Variants in PCDH9 observed in about 807,000 individuals in gnomAD.
PCDH9 encodes the protein protocadherin 9, also known as protocadherin-9.
A neutral mutation model predicts 70.6 loss-of-function variants in PCDH9; 24 were observed. The observed-to-expected ratio is 0.34, with a 90% CI of 0.25 to 0.48. PCDH9 has a LOEUF of 0.48. Among genes scored for constraint, PCDH9 ranks in the 20% least tolerant of loss-of-function variants. The pLI, the probability that PCDH9 is intolerant of heterozygous loss-of-function variation, is 0.99. For missense variants in PCDH9, 1,281 were observed against 1,503.6 expected (o/e 0.85, Z 2.45); for synonymous variants, 562 against 558.5 (o/e 1.01, Z -0.09).
intron 3 of PCDH9, among the ~76,000 whole-genome samples, chr13:66,682,825 G>A (rs567177286): frequency 7.9e-5 from 12 of 152,136 alleles, no homozygotes; most frequent in Middle Eastern, 3.4e-3. Flanking sequence ...GAAAGCTATT[G>A]GTGGCATTAG....
chr13:66,577,370 A>G (rs2076830342), intron 4 of PCDH9, among the ~76,000 whole-genome samples: 1 of 152,010 alleles, frequency 6.6e-6, no homozygotes, highest in South Asian at 2.1e-4. Flanking sequence ...AGTAAATAAT[A>G]GAATCCAAAG....
chr13:66,660,144 A>C (rs957006746), intron 3 of PCDH9, among the ~76,000 whole-genome samples: 2 of 152,208 alleles, frequency 1.3e-5, no homozygotes, highest in Admixed American at 1.3e-4. Flanking sequence ...ATGGAAGACG[A>C]ACAGTGGAGG....
At chr13:66,800,562 G>A (rs978060484) in intron 3 of PCDH9, among the ~76,000 whole-genome samples, 8 of 152,166 alleles carry the variant, frequency 5.3e-5, no homozygotes, top group Admixed American at 1.3e-4. Flanking sequence ...TAGAATGGTC[G>A]CATTGTAGAT....
At chr13:67,190,533 A>T (rs2088882624) in intron 2 of PCDH9, among the ~76,000 whole-genome samples, 1 of 152,040 alleles carries the variant, frequency 6.6e-6, no homozygotes, top group South Asian at 2.1e-4. Flanking sequence ...GAGGAAGATA[A>T]ACTAGCAAAT....
intron 2 of PCDH9, among the ~76,000 whole-genome samples, chr13:67,010,336 T>C (rs1320338765): frequency 1.3e-5 from 2 of 151,922 alleles, no homozygotes; most frequent in African/African-American, 2.4e-5. Flanking sequence ...TCAGGTAAAT[T>C]AGCAGCTGTA....
At chr13:67,146,498 G>A (rs1473491951) in intron 2 of PCDH9, among the ~76,000 whole-genome samples, 1 of 152,106 alleles carries the variant, frequency 6.6e-6, no homozygotes, top group East Asian at 1.9e-4. Flanking sequence ...TCCTTGGTTT[G>A]CTCTGATGGA....
chr13:67,042,482 C>A (rs260157), intron 2 of PCDH9, among the ~76,000 whole-genome samples: 3,534 of 152,122 alleles, frequency 0.023, 133 homozygotes, highest in African/African-American at 0.079. Flanking sequence ...AAATCAAGAT[C>A]TCAAGTATCT....
chr13:67,171,500 T>G (rs190033116), intron 2 of PCDH9, among the ~76,000 whole-genome samples: 3 of 152,298 alleles, frequency 2.0e-5, no homozygotes, highest in Admixed American at 6.5e-5. Flanking sequence ...TTGGAAGCCT[T>G]GAAACAAACC....
rs1332110366 is a variant in PCDH9, at chr13:66,452,131, T to A, written c.3341-147103A>T. Among the ~76,000 whole-genome samples, 5 of 152,146 alleles carry A rather than the reference T, an allele frequency of 3.3e-5. No homozygotes were observed. The South Asian group carries it at 1.0e-3, about 31-fold the overall frequency. On this transcript the variant is annotated intron_variant, in intron 4 of 4. Coordinates refer to ENST00000377865, the MANE Select transcript of PCDH9 (RefSeq NM_203487.3). ...AACTAATATCTGAAAGAAAATTACT[T>A]GATAGTATATATAAGAAGACTGCAG... is the stretch of plus-strand genomic sequence containing the variant.
At chr13:66,813,772 G>A (rs1166540627) in intron 3 of PCDH9, among the ~76,000 whole-genome samples, 4 of 151,918 alleles carry the variant, frequency 2.6e-5, no homozygotes, top group Non-Finnish European at 5.9e-5. Flanking sequence ...ATGGTCCTTC[G>A]AGTATTCTTA....
intron 2 of PCDH9, among the ~76,000 whole-genome samples, chr13:66,952,464 A>C (rs1052914857): frequency 1.1e-4 from 17 of 152,178 alleles, no homozygotes; most frequent in Admixed American, 1.1e-3. Flanking sequence ...TTATTTTTAT[A>C]TTCTATTTTT....
Position 66,655,857 on chromosome 13 carries a change from G to A in PCDH9, c.3139-24446C>T, listed in dbSNP as rs185030241. Among the ~76,000 whole-genome samples, 530 of 152,042 alleles carry A rather than the reference G, an allele frequency of 3.5e-3. 2 individuals carry two copies. Among genetic ancestry groups the A allele is most frequent in the African/African-American group, 0.012 (481 of 41,442 alleles). The stretch of plus-strand genomic sequence containing the variant: ...ATCAGACTGAATGTCTTTATTTTCC[G>A]CTGTTCTAGCTACAAGAAATGATCT... On this transcript the variant is annotated intron_variant, in intron 3 of 4. Coordinates refer to ENST00000377865, the MANE Select transcript of PCDH9 (RefSeq NM_203487.3).
intron 2 of PCDH9, among the ~76,000 whole-genome samples, chr13:67,181,082 A>G (rs1386063752): frequency 6.6e-6 from 1 of 152,172 alleles, no homozygotes; most frequent in Non-Finnish European, 1.5e-5. Context: ...CGGAACCCAG[A>G]GACAATCAGC....
chr13:66,614,945 A>T (rs2077337986), intron 4 of PCDH9, among the ~76,000 whole-genome samples: 3 of 152,176 alleles, frequency 2.0e-5, no homozygotes. Flanking sequence ...TTTTTAAAAG[A>T]GGCAAAGGCA....
intron 2 of PCDH9, among the ~76,000 whole-genome samples, chr13:66,962,373 C>T (rs2083362742): frequency 6.6e-6 from 1 of 150,900 alleles, no homozygotes; most frequent in Non-Finnish European, 1.5e-5. Context: ...TCCCAAGACA[C>T]CTCCAAAGAA....
intron 4 of PCDH9, among the ~76,000 whole-genome samples, chr13:66,314,734 A>C (rs1332029869): frequency 6.6e-6 from 1 of 152,166 alleles, no homozygotes. Flanking sequence ...CTAGTTGCTC[A>C]ATGCAGGAAA....
intron 4 of PCDH9, among the ~76,000 whole-genome samples, chr13:66,462,650 G>A (rs1250241188): frequency 6.6e-6 from 1 of 151,660 alleles, no homozygotes; most frequent in Non-Finnish European, 1.5e-5. Context: ...AAGATTCCCA[G>A]GTAATTCTAA....
intron 3 of PCDH9, among the ~76,000 whole-genome samples, chr13:66,699,913 C>A (rs952633868): frequency 7.2e-6 from 1 of 138,218 alleles, no homozygotes; most frequent in African/African-American, 2.5e-5. Context: ...TGAGGGACTG[C>A]GTTAGGCTGA....
At position 66,398,563 on chromosome 13, in the gene PCDH9, T is replaced by C. The variant is rs138067202; in HGVS notation, c.3341-93535A>G. On this transcript the variant is annotated intron_variant, in intron 4 of 4. Coordinates refer to ENST00000377865, the MANE Select transcript of PCDH9 (RefSeq NM_203487.3). The stretch of plus-strand genomic sequence containing the variant: ...TATTTCCCATTAATTCTGAAAAAAG[T>C]TTATAGATAACATTTAAATGAATTA... Among the ~76,000 whole-genome samples the C allele has an allele frequency of 7.1e-3, 1,080 of 152,246 alleles. 11 individuals are homozygous for C. The highest frequency in any genetic ancestry group is 0.025 in the African/African-American group (1,020 of 41,552).
Sources: allele counts gnomAD v4.1 joint callset (sites outside exome capture counted in the v4.1 genomes callset), GRCh38; gene constraint gnomAD v4.1.1; transcripts MANE v1.5; gene names NCBI Gene and HGNC (gene_info 2026-07-23, HGNC 2026-07-21).